C10orf67: variants seen among roughly 807,000 people sequenced by gnomAD.
C10orf67 encodes the protein uncharacterized protein C10orf67, mitochondrial.
Under a neutral mutation model 35.6 loss-of-function variants are expected in C10orf67, and 60 were observed. The observed-to-expected ratio is 1.68, with a 90% CI of 1.37 to 2.09. The LOEUF (loss-of-function observed/expected upper bound fraction) is 2.09, where lower values mean the gene tolerates loss of function less well. Ranked by LOEUF, C10orf67 falls within the 30% of genes most tolerant of loss-of-function variation. The pLI, the probability that C10orf67 is intolerant of heterozygous loss-of-function variation, is 0.00. For synonymous variants in C10orf67, 167 were observed against 115.8 expected (o/e 1.44, Z -2.84); for missense variants, 474 against 330.2 (o/e 1.44, Z -3.38).
rs188841885 is a variant in C10orf67, at chr10:23,310,712, G to T, written c.547-7253C>A. ...ACATTCCTCAGACCCAGGAATGCTT[G>T]TCAAGCTCTCCAAGAGGTCTAAAAC... On this transcript the variant is annotated intron_variant, in intron 4 of 15. Coordinates refer to ENST00000636213, the MANE Select transcript of C10orf67 (RefSeq NM_001371909.1). 2.2e-3 allele frequency among the ~76,000 whole-genome samples: 330 copies of T among 152,330 alleles called. 3 individuals are homozygous for T. The highest frequency in any genetic ancestry group is 7.7e-3 in the African/African-American group (320 of 41,574).
intron 4 of C10orf67, among the ~76,000 whole-genome samples, chr10:23,320,041 C>A (rs536432125): frequency 2.0e-5 from 3 of 152,116 alleles, no homozygotes; most frequent in African/African-American, 4.8e-5. Flanking sequence ...CCAGTCACAG[C>A]GCTAAAGGCA....
At chr10:23,202,230 A>G (rs527729212), downstream of C10orf67, 1 of 152,260 alleles carries the variant, frequency 6.6e-6, no homozygotes, top group Non-Finnish European at 1.5e-5. Flanking sequence ...AGAACTCATT[A>G]CAACCTAGCT....
At chr10:23,340,231 A>C (rs1845827999) in intron 1 of C10orf67, among the ~76,000 whole-genome samples, 1 of 151,808 alleles carries the variant, frequency 6.6e-6, no homozygotes, top group Admixed American at 6.6e-5. Flanking sequence ...AATCAGGTTC[A>C]GGCTGGGTGT....
intron 4 of C10orf67, among the ~76,000 whole-genome samples, chr10:23,310,154 G>C (rs1410786081): frequency 6.6e-6 from 1 of 152,136 alleles, no homozygotes; most frequent in Non-Finnish European, 1.5e-5. Flanking sequence ...AGGACTTTCA[G>C]GAAGACACCA....
chr10:23,335,224 G>A (rs560658459), intron 1 of C10orf67, among the ~76,000 whole-genome samples: 2 of 151,562 alleles, frequency 1.3e-5, no homozygotes, highest in South Asian at 2.1e-4. Context: ...AAATTTGACT[G>A]ATGACTTTGC....
At chr10:23,211,478 T>TGTGG (rs1352917426) in intron 15 of C10orf67, among the ~76,000 whole-genome samples, 4 of 147,560 alleles carry the variant, frequency 2.7e-5, no homozygotes, top group African/African-American at 5.0e-5. Context: ...TGTGTGTGTG[T>TGTGG]GGGGGGGGGG....
At chr10:23,331,194 GGAA>G (rs1845445398) in intron 2 of C10orf67, among the ~76,000 whole-genome samples, 1 of 32,492 alleles carries the variant, frequency 3.1e-5, no homozygotes, top group African/African-American at 2.2e-4. Context: ...GGAAGGGAAG[GGAA>G]GGGAAGGGAA....
At chr10:23,324,342 G>A (rs1845098992) in intron 2 of C10orf67, among the ~76,000 whole-genome samples, 2 of 151,978 alleles carry the variant, frequency 1.3e-5, no homozygotes, top group South Asian at 4.2e-4. Flanking sequence ...TATGAATCTG[G>A]AGTTCACCTC....
At chr10:23,308,629 G>C (rs1588677599) in intron 4 of C10orf67, among the ~76,000 whole-genome samples, 1 of 152,074 alleles carries the variant, frequency 6.6e-6, no homozygotes, top group East Asian at 1.9e-4. Context: ...ACTTTTGCTT[G>C]TCATTCTAGC....
At chr10:23,314,751 C>T (rs1287465550) in intron 4 of C10orf67, among the ~76,000 whole-genome samples, 5 of 152,124 alleles carry the variant, frequency 3.3e-5, no homozygotes, top group African/African-American at 4.8e-5. Context: ...AGAGGCTATA[C>T]TCAATTCTTT....
intron 5 of C10orf67, among the ~76,000 whole-genome samples, chr10:23,301,874 C>T (rs1200829608): frequency 1.3e-5 from 2 of 152,218 alleles, no homozygotes; most frequent in Admixed American, 6.5e-5. Flanking sequence ...ATGATCAACC[C>T]GGGCACTTAG....
At chr10:23,256,123 T>C (rs941961474) in intron 10 of C10orf67, among the ~76,000 whole-genome samples, 2 of 152,092 alleles carry the variant, frequency 1.3e-5, no homozygotes, top group Non-Finnish European at 2.9e-5. Flanking sequence ...CACCTCCACC[T>C]CCCAAGTAAC....
Position 23,224,472 on chromosome 10 carries a change from T to C in C10orf67, c.1435-654A>G, listed in dbSNP as rs181185686. On this transcript the variant is annotated intron_variant, in intron 13 of 15. Coordinates refer to ENST00000636213, the MANE Select transcript of C10orf67 (RefSeq NM_001371909.1). ...TGAAAATTCTAAAAATCAGAGCTCC[T>C]CTCCCCCTCCAAAGGAACTCAGCTC... is the stretch of plus-strand genomic sequence containing the variant. 8.7e-4 allele frequency among the ~76,000 whole-genome samples: 133 copies of C among 152,092 alleles called. 1 individual carries two copies. Among genetic ancestry groups the C allele is most frequent in the African/African-American group, 3.0e-3 (126 of 41,478 alleles).
chr10:23,237,503 C>G (rs1295348088), intron 13 of C10orf67, among the ~76,000 whole-genome samples: 2 of 152,038 alleles, frequency 1.3e-5, no homozygotes, highest in African/African-American at 4.8e-5. Context: ...ATAGCCCTAA[C>G]TGGAAAGAGC....
chr10:23,328,685 T>TAAAAAAAA (rs57874839), intron 2 of C10orf67, among the ~76,000 whole-genome samples: 1 of 138,112 alleles, frequency 7.2e-6, no homozygotes. Flanking sequence ...CTCAAGAGAT[T>TAAAAAAAA]AAAAAAAAAA....
intron 1 of C10orf67, among the ~76,000 whole-genome samples, chr10:23,337,816 C>G (rs924931755): frequency 2.6e-5 from 4 of 152,130 alleles, no homozygotes; most frequent in African/African-American, 9.7e-5. Flanking sequence ...GCCTGATTCA[C>G]AGATGGGTTC....
At chr10:23,251,823 G>A (rs1346186252) in intron 10 of C10orf67, among the ~76,000 whole-genome samples, 1 of 152,100 alleles carries the variant, frequency 6.6e-6, no homozygotes, top group African/African-American at 2.4e-5. Flanking sequence ...ATAAACCAAG[G>A]TAAATACAAA....
At chr10:23,298,590 C>G (rs541085989) in intron 5 of C10orf67, among the ~76,000 whole-genome samples, 1 of 152,168 alleles carries the variant, frequency 6.6e-6, no homozygotes, top group East Asian at 1.9e-4. Context: ...AATCCATATT[C>G]GGCAGTTCCT....
rs142354827 is a variant in C10orf67, at chr10:23,225,866, A to T, written c.1435-2048T>A. On this transcript the variant is annotated intron_variant, in intron 13 of 15. Coordinates refer to ENST00000636213, the MANE Select transcript of C10orf67 (RefSeq NM_001371909.1). ...CCAATACAGGAGCAGCCAGATTCATAAAGCAAGTCCTTAGAGACCTACAAA... is the reference window on the plus strand; with the variant it reads ...CCAATACAGGAGCAGCCAGATTCATTAAGCAAGTCCTTAGAGACCTACAAA... Among the ~76,000 whole-genome samples, 860 of 152,284 alleles carry T rather than the reference A, an allele frequency of 5.6e-3. 5 individuals carry two copies. Among genetic ancestry groups the T allele is most frequent in the Non-Finnish European group, 7.5e-3 (509 of 68,024 alleles).
Sources: allele counts gnomAD v4.1 joint callset (sites outside exome capture counted in the v4.1 genomes callset), GRCh38; gene constraint gnomAD v4.1.1; transcripts MANE v1.5; gene names NCBI Gene and HGNC (gene_info 2026-07-23, HGNC 2026-07-21).